The following EYS variants were observed in gnomAD, a reference collection of about 807,000 sequenced individuals.
EYS encodes the protein EGF-like photoreceptor maintenance factor, also known as protein eyes shut homolog.
In EYS, 250 loss-of-function variants were observed where a neutral mutation model predicts 282.1. The ratio of observed to expected loss-of-function variants is 0.89; its 90% CI spans 0.80 to 0.98. The LOEUF is 0.98. Ranked by LOEUF, EYS falls within the 50% of genes least tolerant of loss-of-function variation. The pLI is 0.00. For synonymous variants in EYS, 1,355 were observed against 1,282.9 expected, an observed-to-expected ratio of 1.06 and a Z score of -1.20; for missense variants, 4,016 against 3,709.0, an observed-to-expected ratio of 1.08 and a Z score of -2.15.
At chr6:63,933,239 T>C (rs1764950187) in intron 35 of EYS, among the ~76,000 whole-genome samples, 2 of 152,110 alleles carry the variant, frequency 1.3e-5, no homozygotes, top group African/African-American at 4.8e-5. Flanking sequence ...TTTAATTTAG[T>C]TTTATTTTTT....
intron 19 of EYS, among the ~76,000 whole-genome samples, chr6:64,869,623 A>G (rs990444215): frequency 3.3e-5 from 5 of 151,662 alleles, no homozygotes; most frequent in Non-Finnish European, 7.4e-5. Context: ...TAGAAGAAAC[A>G]TGATGAACAA....
intron 22 of EYS, among the ~76,000 whole-genome samples, chr6:64,786,673 A>G (rs1310460662): frequency 6.6e-6 from 1 of 152,140 alleles, no homozygotes; most frequent in Non-Finnish European, 1.5e-5. Flanking sequence ...GTCCAGGTTT[A>G]CCTCTCAGAG....
At position 64,590,245 on chromosome 6, in the gene EYS, T is replaced by G; in HGVS notation, c.5622A>C (p.Ala1874=). 1 of 1,547,154 alleles carries G rather than the reference T, an allele frequency of 6.5e-7. No individual in the cohort carries two copies. Among genetic ancestry groups the G allele is most frequent in the Non-Finnish European group, 8.7e-7 (1 of 1,144,692 alleles). ...LTLSSLESIL[A]PQRLMISDFS... The stretch of plus-strand genomic sequence containing the variant: ...CACCAGAAATCATCAGCCGTTGAGG[T>G]GCCAGAATGGATTCCAGTGAAGACA... Residue 1874 remains alanine (A), a synonymous_variant, in exon 26 of 43, where the codon GCA becomes GCC. Coordinates refer to ENST00000503581, the MANE Select transcript of EYS (RefSeq NM_001142800.2).
intron 31 of EYS, among the ~76,000 whole-genome samples, chr6:64,095,288 A>T (rs1772550409): frequency 6.6e-6 from 1 of 152,116 alleles, no homozygotes; most frequent in Non-Finnish European, 1.5e-5. Flanking sequence ...TGCGGAGTTG[A>T]GTTCAATTCC....
Position 63,840,486 on chromosome 6 carries a change from G to A in EYS, c.7228+23700C>T, listed in dbSNP as rs62412963. The stretch of plus-strand genomic sequence containing the variant: ...AATATTTTCTTTCATTCTGTAGGTC[G>A]TCATTTCACTCTGTTGATTTTTTTT... On this transcript the variant is annotated intron_variant, in intron 36 of 42. Coordinates refer to ENST00000503581, the MANE Select transcript of EYS (RefSeq NM_001142800.2). Among the ~76,000 whole-genome samples the A allele has an allele frequency of 9.2e-5, 14 of 152,072 alleles. No homozygotes were observed. The East Asian group carries it at 1.9e-3, about 21-fold the overall frequency.
chr6:64,628,326 A>G (rs1417480036), intron 22 of EYS, among the ~76,000 whole-genome samples: 1 of 151,888 alleles, frequency 6.6e-6, no homozygotes, highest in African/African-American at 2.4e-5. Flanking sequence ...AAATAAACTC[A>G]GGTCTGATTT....
chr6:65,599,984 G>C (rs1333949239), intron 2 of EYS, among the ~76,000 whole-genome samples: 1 of 152,000 alleles, frequency 6.6e-6, no homozygotes, highest in Non-Finnish European at 1.5e-5. Context: ...ATTCTGTATC[G>C]AGTGTGAGTC....
chr6:64,189,765 A>G (rs904997856), intron 31 of EYS, among the ~76,000 whole-genome samples: 7 of 152,118 alleles, frequency 4.6e-5, no homozygotes, highest in African/African-American at 1.4e-4. Context: ...GACTTACCCT[A>G]TGGATTTTAG....
intron 28 of EYS, among the ~76,000 whole-genome samples, chr6:64,415,687 T>C (rs976037469): frequency 6.6e-6 from 1 of 152,182 alleles, no homozygotes; most frequent in African/African-American, 2.4e-5. Flanking sequence ...GATTTTTTAT[T>C]GACCTATTTT....
intron 12 of EYS, among the ~76,000 whole-genome samples, chr6:65,273,698 C>T (rs1210814180): frequency 6.6e-6 from 1 of 152,192 alleles, no homozygotes; most frequent in Non-Finnish European, 1.5e-5. Flanking sequence ...ACCAGCTATG[C>T]AAGGCCACAA....
chr6:64,113,008 T>A (rs1773258354), intron 31 of EYS, among the ~76,000 whole-genome samples: 1 of 151,976 alleles, frequency 6.6e-6, no homozygotes. Flanking sequence ...ATAAATTAAA[T>A]TTTCATTCTA....
At chr6:65,316,726 A>C (rs1769305052) in intron 11 of EYS, among the ~76,000 whole-genome samples, 1 of 152,022 alleles carries the variant, frequency 6.6e-6, no homozygotes, top group Non-Finnish European at 1.5e-5. Context: ...GAGAACGTGC[A>C]GTGTTTGGCT....
At chr6:64,952,274 C>T (rs921211571) in intron 14 of EYS, among the ~76,000 whole-genome samples, 1 of 151,854 alleles carries the variant, frequency 6.6e-6, no homozygotes, top group African/African-American at 2.4e-5. Flanking sequence ...GAACTTACTG[C>T]AATGTTTAAG....
chr6:63,877,675 ACT>A (rs1773013527), intron 35 of EYS, among the ~76,000 whole-genome samples: 1 of 150,600 alleles, frequency 6.6e-6, no homozygotes, highest in South Asian at 2.1e-4. Context: ...ATTTCTTTTT[ACT>A]CTTTTTTCTT....
intron 31 of EYS, among the ~76,000 whole-genome samples, chr6:64,203,595 T>A (rs1482377785): frequency 6.6e-6 from 1 of 152,164 alleles, no homozygotes; most frequent in Non-Finnish European, 1.5e-5. Flanking sequence ...TCTGACCACG[T>A]TTTTCTGTAT....
At chr6:64,938,153 G>A (rs1768971813) in intron 15 of EYS, among the ~76,000 whole-genome samples, 1 of 151,506 alleles carries the variant, frequency 6.6e-6, no homozygotes, top group African/African-American at 2.4e-5. Context: ...CTATGGTAAT[G>A]GTATGAGTTC....
intron 5 of EYS, among the ~76,000 whole-genome samples, chr6:65,465,632 G>C (rs1317054848): frequency 6.6e-6 from 1 of 152,130 alleles, no homozygotes; most frequent in African/African-American, 2.4e-5. Flanking sequence ...TTAGCGTTGA[G>C]ATAAATAAAT....
intron 22 of EYS, among the ~76,000 whole-genome samples, chr6:64,728,427 C>T (rs546553059): frequency 6.7e-4 from 102 of 152,184 alleles, no homozygotes; most frequent in Middle Eastern, 6.8e-3. Flanking sequence ...CTCTGCCTCC[C>T]GGGTTCACCC....
intron 36 of EYS, among the ~76,000 whole-genome samples, chr6:63,829,156 C>T (rs147190879): frequency 2.0e-4 from 30 of 152,288 alleles, no homozygotes; most frequent in East Asian, 1.4e-3. Context: ...CACCTCTCAG[C>T]GTGAGCAATA....
Sources: gnomAD v4.1 joint callset for allele counts (sites outside exome capture counted in the v4.1 genomes callset) on GRCh38, gnomAD v4.1.1 for gene constraint, MANE v1.5 for transcripts, NCBI Gene and HGNC (gene_info 2026-07-23, HGNC 2026-07-21) for gene names.